Variants in NRCAM observed in about 807,000 individuals in gnomAD.
NRCAM encodes NgCAM-related cell adhesion molecule.
Under a neutral mutation model 156.5 loss-of-function variants are expected in NRCAM, and 83 were observed. The ratio of observed to expected loss-of-function variants is 0.53; its 90% CI spans 0.44 to 0.64. NRCAM has a LOEUF of 0.64. Among genes scored for constraint, NRCAM ranks in the 30% least tolerant of loss-of-function variants. The pLI is 0.00. For synonymous variants in NRCAM, 538 were observed against 563.9 expected, an observed-to-expected ratio of 0.95 and a Z score of 0.65; for missense variants, 1,417 against 1,597.3, an observed-to-expected ratio of 0.89 and a Z score of 1.92.
chr7:108,346,815 T>C lies in NRCAM; in HGVS notation c.-173-34084A>G, dbSNP rs918255615. ...GTGGCTGGTCTGTATTGAAACTACATGAGTACATACATGTTTGGATTTTGA... is the reference window on the plus strand; with the variant it reads ...GTGGCTGGTCTGTATTGAAACTACACGAGTACATACATGTTTGGATTTTGA... On this transcript the variant is annotated intron_variant, in intron 2 of 32. Transcript: ENST00000379028. 8.5e-5 allele frequency among the ~76,000 whole-genome samples: 13 copies of C among 152,094 alleles called. 1 individual carries two copies. In the South Asian group the frequency reaches 2.5e-3, roughly 29 times the overall value.
At chr7:108,176,688 A>G in intron 26 of NRCAM, 82 bp from the exon 27 acceptor site, 1 of 1,091,134 alleles carries the variant, frequency 9.2e-7, no homozygotes, top group East Asian at 2.5e-5. Context: ...GTCAACTAAA[A>G]ATGTTCAACC....
At chr7:108,236,202 T>A (rs1467091731) in intron 5 of NRCAM, among the ~76,000 whole-genome samples, 1 of 152,170 alleles carries the variant, frequency 6.6e-6, no homozygotes, top group East Asian at 1.9e-4. Context: ...GTCTTATAAA[T>A]CTATAAACCC....
At chr7:108,267,190 C>T (rs2097141429) in intron 3 of NRCAM, among the ~76,000 whole-genome samples, 1 of 152,200 alleles carries the variant, frequency 6.6e-6, no homozygotes, top group Non-Finnish European at 1.5e-5. Context: ...GAAGGAAACA[C>T]TTTCTCTGCC....
At chr7:108,382,221 G>A (rs866137753) in intron 2 of NRCAM, among the ~76,000 whole-genome samples, 16 of 126,808 alleles carry the variant, frequency 1.3e-4, no homozygotes, top group Non-Finnish European at 6.7e-5. Flanking sequence ...GAGGAACAGA[G>A]ATTTTTTTTT....
At chr7:108,240,271 T>A in intron 3 of NRCAM, 101 bp from the exon 4 acceptor site, 1 of 402,032 alleles carries the variant, frequency 2.5e-6, no homozygotes, top group Non-Finnish European at 4.5e-6. Context: ...GTATTATACA[T>A]GAACTCTAAA....
chr7:108,331,009 A>G (rs2099120963), intron 2 of NRCAM, among the ~76,000 whole-genome samples: 1 of 152,200 alleles, frequency 6.6e-6, no homozygotes, highest in South Asian at 2.1e-4. Context: ...TATAATGCTT[A>G]GTATCCATTT....
chr7:108,229,204 G>A (rs1035263147), intron 8 of NRCAM, among the ~76,000 whole-genome samples: 1 of 152,122 alleles, frequency 6.6e-6, no homozygotes, highest in Admixed American at 6.5e-5. Context: ...CATATTATCT[G>A]ATCTCTCAGC....
chr7:108,299,139 AAAAG>A (rs1305054124), intron 3 of NRCAM, among the ~76,000 whole-genome samples: 1 of 108,782 alleles, frequency 9.2e-6, no homozygotes, highest in Non-Finnish European at 2.0e-5. Context: ...AGAAAGAAAG[AAAAG>A]AAAAGTAAAA....
chr7:108,365,663 C>A (rs1424845781), intron 2 of NRCAM, among the ~76,000 whole-genome samples: 2 of 152,164 alleles, frequency 1.3e-5, no homozygotes, highest in African/African-American at 4.8e-5. Context: ...ATACAAACAG[C>A]ATGCCCTTCT....
intron 3 of NRCAM, among the ~76,000 whole-genome samples, chr7:108,259,001 A>T (rs980844061): frequency 1.2e-4 from 19 of 152,310 alleles, no homozygotes; most frequent in African/African-American, 4.1e-4. Flanking sequence ...AATATTAAAA[A>T]TCCAGTTCCT....
chr7:108,229,741 G>C (rs1025007816), intron 8 of NRCAM, among the ~76,000 whole-genome samples: 1 of 152,018 alleles, frequency 6.6e-6, no homozygotes, highest in Non-Finnish European at 1.5e-5. Flanking sequence ...TATCTTACAG[G>C]CCTCTCACAT....
chr7:108,335,461 A>ATTTTTTTTTTTTTTTTTTTTTTTTTTTTT, intron 2 of NRCAM, among the ~76,000 whole-genome samples: 1 of 25,548 alleles, frequency 3.9e-5, no homozygotes, highest in Non-Finnish European at 8.0e-5. Flanking sequence ...TTTTTTTTTC[A>ATTTTTTTTTTTTTTTTTTTTTTTTTTTTT]GTTTTCACTG....
intron 3 of NRCAM, among the ~76,000 whole-genome samples, chr7:108,299,279 T>A (rs1175657570): frequency 6.6e-6 from 1 of 151,728 alleles, no homozygotes; most frequent in South Asian, 2.1e-4. Flanking sequence ...GCCTTTGAAA[T>A]CCTGTGTGAA....
chr7:108,451,307 A>T (rs1027566903), intron 1 of NRCAM, among the ~76,000 whole-genome samples: 3 of 152,310 alleles, frequency 2.0e-5, no homozygotes, highest in Middle Eastern at 3.4e-3. Flanking sequence ...AAAACAGAAA[A>T]TAACAAGTGT....
At chr7:108,343,388 A>C (rs2099315509) in intron 2 of NRCAM, among the ~76,000 whole-genome samples, 1 of 152,210 alleles carries the variant, frequency 6.6e-6, no homozygotes, top group Admixed American at 6.5e-5. Flanking sequence ...TTGGCGGTAC[A>C]GAAACCTAAA....
At chr7:108,274,305 AT>A (rs1284572615) in intron 3 of NRCAM, among the ~76,000 whole-genome samples, 6 of 152,224 alleles carry the variant, frequency 3.9e-5, no homozygotes, top group Non-Finnish European at 8.8e-5. Flanking sequence ...TAGGGATAGC[AT>A]TCAATCTACA....
At position 108,389,767 on chromosome 7, in the gene NRCAM, G is replaced by C. The variant is rs535418177; in HGVS notation, c.-174+9669C>G. On this transcript the variant is annotated intron_variant, in intron 2 of 32. Coordinates refer to ENST00000379028, the MANE Select transcript of NRCAM (RefSeq NM_001037132.4). ...TTTATTGAGAGTTTTTGGCATGAAG[G>C]GCTGTTGAATTTTGTCAAAGGCCTT... Among the ~76,000 whole-genome samples the C allele has an allele frequency of 3.9e-5, 6 of 152,206 alleles. No individual in the cohort carries two copies. In the South Asian group the frequency reaches 6.2e-4, roughly 16 times the overall value.
At chr7:108,269,989 A>G (rs1239422676) in intron 3 of NRCAM, among the ~76,000 whole-genome samples, 1 of 152,224 alleles carries the variant, frequency 6.6e-6, no homozygotes, top group Non-Finnish European at 1.5e-5. Context: ...GCAAAGAAAC[A>G]TTGCTTCTTT....
chr7:108,447,940 T>G (rs756715878), intron 1 of NRCAM, among the ~76,000 whole-genome samples: 14 of 152,200 alleles, frequency 9.2e-5, no homozygotes, highest in Non-Finnish European at 1.2e-4. Context: ...TTTCTCTTTC[T>G]TTCAAATTTT....
Sources: allele counts gnomAD v4.1 joint callset (sites outside exome capture counted in the v4.1 genomes callset), GRCh38; gene constraint gnomAD v4.1.1; transcripts MANE v1.5; gene names NCBI Gene and HGNC (gene_info 2026-07-23, HGNC 2026-07-21).